CEP290: variants seen among roughly 807,000 people sequenced by gnomAD.
CEP290 encodes centrosomal protein of 290 kDa.
In CEP290, 317 loss-of-function variants were observed where a neutral mutation model predicts 344.9. The ratio of observed to expected loss-of-function variants is 0.92; its 90% CI spans 0.84 to 1.01. The LOEUF is 1.01. CEP290 is among the 50% of genes least tolerant of loss of function. The pLI is 0.00. For synonymous variants in CEP290, 932 were observed against 895.8 expected (o/e 1.04, Z -0.72); for missense variants, 2,754 against 2,761.4 (o/e 1.00, Z 0.06).
At chr12:88,105,221 A>C (rs1025578522) in intron 25 of CEP290, among the ~76,000 whole-genome samples, 2 of 152,196 alleles carry the variant, frequency 1.3e-5, no homozygotes, top group Non-Finnish European at 2.9e-5. Flanking sequence ...AAGACTAATG[A>C]ATTTTTGTCA....
intron 52 of CEP290, 35 bp downstream of exon 52, chr12:88,053,617 T>TG: frequency 1.9e-6 from 2 of 1,069,000 alleles, no homozygotes; most frequent in Non-Finnish European, 2.8e-6. Context: ...TTCAAAAACT[T>TG]GGGGGTAGCT....
chr12:88,083,218 G>A lies in CEP290; in HGVS notation c.4825C>T (p.Gln1609Ter), dbSNP rs2137156392. Residue 1609 changes from glutamine to a stop codon, truncating the protein, a stop_gained, in exon 37 of 54, where the codon CAG becomes TAG. Transcript: ENST00000552810. LOFTEE classifies it high-confidence loss of function. The stretch of plus-strand genomic sequence containing the variant: ...TTGGTAGGAACTGGAGTGGGAGACT[G>A]TTTCATTAAATCCTATAAAATATGA... Reference protein sequence around the residue: ...FKQTAWDLMKQSPTPVPTNKH... With the variant: ...FKQTAWDLMK The A allele has an allele frequency of 6.8e-7, 1 of 1,477,276 alleles. No homozygotes were observed. The highest frequency in any genetic ancestry group is 1.4e-5 in the South Asian group (1 of 69,138). 91.5% of individuals were successfully genotyped at this position (1,477,276 alleles called of 1,614,324 possible). A position where few individuals can be genotyped will look rare whatever the true frequency, so the allele number is the denominator to read the frequency against.
intron 46 of CEP290, among the ~76,000 whole-genome samples, chr12:88,061,625 C>T (rs1444053962): frequency 6.6e-6 from 1 of 152,098 alleles, no homozygotes; most frequent in Non-Finnish European, 1.5e-5. Flanking sequence ...AGTTAATCAT[C>T]CATGAATAAG....
chr12:88,049,457 A>G (rs1336157784), intron 53 of CEP290, 43 bp from the exon 54 acceptor site: 1 of 1,001,854 alleles, frequency 1.0e-6, no homozygotes, highest in South Asian at 1.5e-5. Context: ...TAGGAAATAT[A>G]CATATTTTAC....
chr12:88,060,122 A>G, intron 47 of CEP290, 102 bp from the exon 48 acceptor site: 1 of 1,009,960 alleles, frequency 9.9e-7, no homozygotes, highest in Non-Finnish European at 1.4e-6. Flanking sequence ...TTTAGAAACC[A>G]TATTTGATAT....
rs1337676817 is a variant in CEP290, at chr12:88,087,853, T to C, written c.4121A>G (p.Tyr1374Cys). Residue 1374 changes from tyrosine (Y) to cysteine (C), a missense_variant, in exon 32 of 54, where the codon TAT (tyrosine) becomes TGT (cysteine). Tyr to Cys is a radical substitution (Grantham distance 194, BLOSUM62 -2). Coordinates refer to ENST00000552810, the MANE Select transcript of CEP290 (RefSeq NM_025114.4). Reference sequence around the variant, plus strand: ...ATATTCAGAAATTATGTTATTCAAATATTTTATTTCTTCTTTATCCTTGAC... The same window carrying C: ...ATATTCAGAAATTATGTTATTCAAACATTTTATTTCTTCTTTATCCTTGAC... ...ELVKDKEEIK[Y>C]LNNIISEYER... 2.7e-5 allele frequency: 34 copies of C among 1,273,264 alleles called. No individual in the cohort carries two copies. The highest frequency in any genetic ancestry group is 3.4e-5 in the Non-Finnish European group (34 of 990,264). The allele number at this position is 1,273,264 out of a possible 1,614,324, so 78.9% of individuals were successfully genotyped here.
Position 88,068,695 on chromosome 12 carries a change from C to T in CEP290, c.6012-50G>A, listed in dbSNP as rs758882350. ...TTACTATTCACATTTCATCTTTTTT[C>T]TGTTGTACTATATAAAAATACAAGA... On this transcript the variant is annotated intron_variant, in intron 43 of 53. Coordinates refer to ENST00000552810, the MANE Select transcript of CEP290 (RefSeq NM_025114.4). 3 of 1,527,796 alleles carry T rather than the reference C, an allele frequency of 2.0e-6. No homozygotes were observed. In the East Asian group the frequency reaches 7.4e-5, roughly 38 times the overall value. The allele number at this position is 1,527,796 out of a possible 1,614,324, so 94.6% of individuals were successfully genotyped here. A position where few individuals can be genotyped will look rare whatever the true frequency, so the allele number is the denominator to read the frequency against.
chr12:88,129,874 A>C lies in CEP290; in HGVS notation c.672T>G (p.Thr224=). Reference sequence around the variant, plus strand: ...CAATTTTCTCATTAGCTTCTGTTAAAGTCTAAAAAAGTTAAAGACACTATA... The same window carrying C: ...CAATTTTCTCATTAGCTTCTGTTAACGTCTAAAAAAGTTAAAGACACTATA... ...ELIQYLDEIQ[T]LTEANEKIEV... Residue 224 remains threonine, a splice_region_variant and synonymous_variant, in exon 10 of 54, where the codon ACT becomes ACG. Transcript: ENST00000552810. The C allele has an allele frequency of 1.4e-6, 2 of 1,432,752 alleles. No individual in the cohort carries two copies. The highest frequency in any genetic ancestry group is 1.8e-6 in the Non-Finnish European group (2 of 1,085,266). The allele number at this position is 1,432,752 out of a possible 1,614,324, so 88.8% of individuals were successfully genotyped here. A position where few individuals can be genotyped will look rare whatever the true frequency, so the allele number is the denominator to read the frequency against.
rs1209461892 is a variant in CEP290 at position 88,062,544 on chromosome 12, A to C, written c.6357+148T>G. ...TACTTTGAGACACATAGAAATGCTT[A>C]CTGTTTTATATTACAGATGCAGAAT... is the stretch of plus-strand genomic sequence containing the variant. On this transcript the variant is annotated intron_variant, in intron 46 of 53. Coordinates refer to ENST00000552810, the MANE Select transcript of CEP290 (RefSeq NM_025114.4). The C allele has an allele frequency of 1.2e-5, 7 of 583,486 alleles. No individual in the cohort carries two copies. In the East Asian group the frequency reaches 2.0e-4, roughly 16 times the overall value. 36.1% of individuals were successfully genotyped at this position (583,486 alleles called of 1,614,324 possible). A position where few individuals can be genotyped will look rare whatever the true frequency, so the allele number is the denominator to read the frequency against.
At position 88,118,655 on chromosome 12, in the gene CEP290, A is replaced by G. The variant is rs1565897528; in HGVS notation, c.1611T>C (p.Ile537=). The change falls in exon 16 of 54, where the codon ATT becomes ATC. Residue 537 remains isoleucine (I), a synonymous_variant. Coordinates refer to ENST00000552810, the MANE Select transcript of CEP290 (RefSeq NM_025114.4). ...CTACCACACTTGCCTCTTTCAAAAGAATCTGGTTTTCAGCTCTGTACTGCT... is the reference window on the plus strand; with the variant it reads ...CTACCACACTTGCCTCTTTCAAAAGGATCTGGTTTTCAGCTCTGTACTGCT... ...KQQQYRAENQ[I]LLKEIESLEE... is the part of the protein sequence containing the mutation. 1.2e-6 allele frequency: 2 copies of G among 1,613,300 alleles called. No homozygotes were observed. The highest frequency in any genetic ancestry group is 1.7e-6 in the Non-Finnish European group (2 of 1,179,580).
chr12:88,110,794 T>C (rs899029096), intron 22 of CEP290, among the ~76,000 whole-genome samples: 3 of 152,164 alleles, frequency 2.0e-5, no homozygotes, highest in African/African-American at 7.2e-5. Context: ...CTTTATTCTT[T>C]TGTTTTCCAC....
intron 5 of CEP290, 74 bp downstream of exon 5, chr12:88,139,068 CAAT>C (rs2040492611): frequency 3.9e-6 from 3 of 769,332 alleles, no homozygotes; most frequent in Non-Finnish European, 6.5e-6. Flanking sequence ...TTCCAGCCAA[CAAT>C]AATTTTAAAA....
rs1427326330 is a variant in CEP290 at position 88,049,149 on chromosome 12, A to AAAT, written c.*32_*34dup. On this transcript the variant is annotated 3_prime_UTR_variant, in exon 54 of 54. Coordinates refer to ENST00000552810, the MANE Select transcript of CEP290 (RefSeq NM_025114.4). ...AGTATATTTAACTTATAAAGTTAATAAATAGTTAAATGAAACAAAGTTTAT... is the reference window on the plus strand; with the variant it reads ...AGTATATTTAACTTATAAAGTTAATAAATAATAGTTAAATGAAACAAAGTTTAT... 2.4e-6 allele frequency: 3 copies of AAAT among 1,257,854 alleles called. No homozygotes were observed. Among genetic ancestry groups the AAAT allele is most frequent in the Admixed American group, 2.2e-5 (1 of 45,792 alleles). 77.9% of individuals were successfully genotyped at this position (1,257,854 alleles called of 1,614,324 possible).
chr12:88,072,287 AAGTTTTG>A, intron 41 of CEP290, among the ~76,000 whole-genome samples: 1 of 72,266 alleles, frequency 1.4e-5, no homozygotes, highest in Non-Finnish European at 4.2e-5. Context: ...ACATGAAACA[AAGTTTTG>A]ACTGTGTTTT....
At chr12:88,113,965 G>A (rs1405067831) in intron 20 of CEP290, among the ~76,000 whole-genome samples, 2 of 152,032 alleles carry the variant, frequency 1.3e-5, no homozygotes, top group African/African-American at 4.8e-5. Context: ...CGGAAGACAG[G>A]ACCAGCAAAG....
chr12:88,050,167 G>T, intron 53 of CEP290, 187 bp downstream of exon 53: 1 of 470,212 alleles, frequency 2.1e-6, no homozygotes, highest in Non-Finnish European at 3.7e-6. Context: ...CCTATGTTGA[G>T]TCTGAATTTT....
intron 3 of CEP290, 25 bp downstream of exon 3, chr12:88,140,931 T>A: frequency 6.7e-7 from 1 of 1,494,516 alleles, no homozygotes; most frequent in Non-Finnish European, 9.1e-7. Context: ...GCCAAACCTA[T>A]AGTTAAAACC....
Position 88,102,965 on chromosome 12 carries a change from T to C in CEP290, c.2864A>G (p.Asn955Ser), listed in dbSNP as rs1443848622. 2 of 1,587,582 alleles carry C rather than the reference T, an allele frequency of 1.3e-6. No individual in the cohort carries two copies. Among genetic ancestry groups the C allele is most frequent in the South Asian group, 1.2e-5 (1 of 83,986 alleles). ...TTCTAGTTCAGACAAAGAAACACTATTATCTACAACTTTTTGGAGAGCTGC... is the reference window on the plus strand; with the variant it reads ...TTCTAGTTCAGACAAAGAAACACTACTATCTACAACTTTTTGGAGAGCTGC... ...KIAALQKVVD[N>S]SVSLSELELA... The change falls in exon 26 of 54, where the codon AAT becomes AGT. Residue 955 changes from asparagine to serine, a missense_variant. Physicochemically the swap from Asn to Ser is conservative, Grantham distance 46. Transcript: ENST00000552810.
intron 52 of CEP290, 68 bp from the exon 53 acceptor site, chr12:88,050,501 T>C: frequency 4.3e-6 from 3 of 700,740 alleles, no homozygotes; most frequent in Admixed American, 2.9e-5. Context: ...GGTAATGGAT[T>C]TGTTCTAGAG....
Sources: gnomAD v4.1 joint callset for allele counts (sites outside exome capture counted in the v4.1 genomes callset) on GRCh38, gnomAD v4.1.1 for gene constraint, MANE v1.5 for transcripts, NCBI Gene and HGNC (gene_info 2026-07-23, HGNC 2026-07-21) for gene names.